Variants in GRM1 observed in about 807,000 individuals in gnomAD.
GRM1 encodes the protein glutamate metabotropic receptor 1.
GRM1 carries 33 observed loss-of-function variants against 90.9 expected under a neutral mutation model. The observed-to-expected ratio is 0.36, with a 90% CI of 0.28 to 0.49. GRM1 has a LOEUF of 0.49. GRM1 is among the 20% of genes least tolerant of loss of function. The probability of loss-of-function intolerance (pLI) is 0.99; values close to 1 mark genes in which losing one functional copy is unlikely to be tolerated. For synonymous variants in GRM1, 700 were observed against 613.2 expected (o/e 1.14, Z -2.09); for missense variants, 1,190 against 1,534.3 (o/e 0.78, Z 3.75).
chr6:146,193,000 C>T (rs542792752), intron 2 of GRM1, among the ~76,000 whole-genome samples: 16 of 152,098 alleles, frequency 1.1e-4, no homozygotes, highest in African/African-American at 2.4e-4. Context: ...GTAGAGGCAA[C>T]AGGTTTTGTT....
At chr6:146,294,548 G>GACCTT (rs1413742930) in intron 2 of GRM1, among the ~76,000 whole-genome samples, 1 of 151,934 alleles carries the variant, frequency 6.6e-6, no homozygotes, top group African/African-American at 2.4e-5. Flanking sequence ...TTAAGAAGGA[G>GACCTT]ACCTTATACA....
In GRM1 at chr6:146,321,412, T is replaced by C. The variant is rs139619740; in HGVS notation, c.1186+16566T>C. 1.1e-4 allele frequency among the ~76,000 whole-genome samples: 17 copies of C among 152,310 alleles called. No individual in the cohort carries two copies. In the East Asian group the frequency reaches 3.3e-3, roughly 29 times the overall value. On this transcript the variant is annotated intron_variant, in intron 3 of 7. Coordinates refer to ENST00000282753, the MANE Select transcript of GRM1 (RefSeq NM_001278064.2). Reference sequence around the variant, plus strand: ...ATTATGTGGTCAATTTTAGAATAAGTGCGATGTGGTGCTGAGAAGAATGTA... The same window carrying C: ...ATTATGTGGTCAATTTTAGAATAAGCGCGATGTGGTGCTGAGAAGAATGTA...
intron 2 of GRM1, among the ~76,000 whole-genome samples, chr6:146,259,679 C>T (rs1032419414): frequency 2.6e-5 from 4 of 152,016 alleles, no homozygotes; most frequent in African/African-American, 9.7e-5. Flanking sequence ...GTATATATCC[C>T]ATTTTCTTTC....
rs754649454 is a variant in GRM1 at position 146,434,550 on chromosome 6, C to T, written c.3339C>T (p.His1113=). ...TCCTCCAGGAGTACGTGTATGAGCACGAGCGGGAAGGGAACACGGAAGAAG... is the reference window on the plus strand; with the variant it reads ...TCCTCCAGGAGTACGTGTATGAGCATGAGCGGGAAGGGAACACGGAAGAAG... ...FKLLQEYVYE[H]EREGNTEEDE... Residue 1113 remains histidine, a synonymous_variant, in exon 8 of 8, where the codon CAC becomes CAT. Coordinates refer to ENST00000282753, the MANE Select transcript of GRM1 (RefSeq NM_001278064.2). 33 of 1,613,992 alleles carry T rather than the reference C, an allele frequency of 2.0e-5. No homozygotes were observed. The highest frequency in any genetic ancestry group is 1.6e-4 in the Middle Eastern group (1 of 6,084).
intron 1 of GRM1, among the ~76,000 whole-genome samples, chr6:146,126,600 G>A (rs1208973229): frequency 6.6e-6 from 1 of 151,938 alleles, no homozygotes. Flanking sequence ...AAATTCTTAA[G>A]TATTCTTCTA....
chr6:146,073,503 G>C (rs948056844), intron 1 of GRM1, among the ~76,000 whole-genome samples: 2 of 151,944 alleles, frequency 1.3e-5, no homozygotes, highest in African/African-American at 4.8e-5. Flanking sequence ...CTAATATTTG[G>C]CCTATTTATA....
intron 3 of GRM1, among the ~76,000 whole-genome samples, chr6:146,341,593 T>C (rs191430794): frequency 1.3e-3 from 202 of 152,292 alleles, no homozygotes; most frequent in Admixed American, 2.5e-3. Flanking sequence ...AATCCCACGA[T>C]GAAGACATCA....
intron 1 of GRM1, among the ~76,000 whole-genome samples, chr6:146,080,160 T>C (rs1776315996): frequency 6.6e-6 from 1 of 152,214 alleles, no homozygotes; most frequent in Admixed American, 6.5e-5. Flanking sequence ...GGGATGGTGA[T>C]TTGACTCTGT....
chr6:146,207,323 G>T (rs1181285935), intron 2 of GRM1, among the ~76,000 whole-genome samples: 2 of 151,984 alleles, frequency 1.3e-5, no homozygotes, highest in Non-Finnish European at 2.9e-5. Flanking sequence ...GTTTTGATTT[G>T]CACTTCTTTA....
At chr6:146,070,917 T>G (rs1296387918) in intron 1 of GRM1, among the ~76,000 whole-genome samples, 1 of 152,182 alleles carries the variant, frequency 6.6e-6, no homozygotes, top group Non-Finnish European at 1.5e-5. Context: ...TAACTTGTAG[T>G]AATTAAAGTA....
chr6:146,052,306 T>A (rs970500672), intron 1 of GRM1, among the ~76,000 whole-genome samples: 1 of 151,980 alleles, frequency 6.6e-6, no homozygotes, highest in African/African-American at 2.4e-5. Context: ...ATAACTTAAG[T>A]TTTTATTTTT....
rs912519612 is a variant in GRM1, at chr6:146,236,845, T to A, written c.951-67766T>A. 2.0e-5 allele frequency among the ~76,000 whole-genome samples: 3 copies of A among 152,212 alleles called. No individual in the cohort carries two copies. In the South Asian group the frequency reaches 6.2e-4, roughly 32 times the overall value. On this transcript the variant is annotated intron_variant, in intron 2 of 7. Coordinates refer to ENST00000282753, the MANE Select transcript of GRM1 (RefSeq NM_001278064.2). ...GTTCCTACAGGCCCAATAGAGACATTCTCAAGATTTTCACCCTGCCCCCAG... is the reference window on the plus strand; with the variant it reads ...GTTCCTACAGGCCCAATAGAGACATACTCAAGATTTTCACCCTGCCCCCAG...
At chr6:146,396,964 C>A (rs1776961723) in intron 6 of GRM1, among the ~76,000 whole-genome samples, 1 of 152,126 alleles carries the variant, frequency 6.6e-6, no homozygotes, top group South Asian at 2.1e-4. Context: ...AATTCAGCAA[C>A]AAGAGCTCAG....
At chr6:146,318,479 T>G (rs1412764504) in intron 3 of GRM1, among the ~76,000 whole-genome samples, 1 of 152,218 alleles carries the variant, frequency 6.6e-6, no homozygotes, top group Non-Finnish European at 1.5e-5. Flanking sequence ...TGCATGTGTA[T>G]TTATGGTAAA....
rs774564705 is a variant in GRM1, at chr6:146,304,826, A to G, written c.1166A>G (p.Asn389Ser). ...CCAGGACACCTTCTGGAAAATCCCA[A>G]CTTTAAACGAATCTGCACAGGTAAC... ...RLPGHLLENP[N>S]FKRICTGNES... Residue 389 changes from asparagine (N) to serine (S), a missense_variant, in exon 3 of 8, where the codon AAC (asparagine) becomes AGC (serine). Transcript: ENST00000282753. 1.2e-6 allele frequency: 2 copies of G among 1,611,990 alleles called. No individual in the cohort carries two copies. Among genetic ancestry groups the G allele is most frequent in the South Asian group, 1.1e-5 (1 of 91,024 alleles).
At chr6:146,142,787 G>A (rs896024916) in intron 1 of GRM1, among the ~76,000 whole-genome samples, 3 of 152,034 alleles carry the variant, frequency 2.0e-5, no homozygotes, top group Non-Finnish European at 2.9e-5. Context: ...ACCCTTTCAG[G>A]GCAGTGGGCT....
intron 3 of GRM1, among the ~76,000 whole-genome samples, chr6:146,309,128 G>A (rs1413021308): frequency 6.6e-6 from 1 of 152,092 alleles, no homozygotes; most frequent in Non-Finnish European, 1.5e-5. Context: ...GCTGGGCATG[G>A]TGGCTCATGC....
At chr6:146,416,991 C>T (rs1050064622) in intron 7 of GRM1, among the ~76,000 whole-genome samples, 4 of 152,178 alleles carry the variant, frequency 2.6e-5, no homozygotes, top group Admixed American at 6.5e-5. Context: ...TCCCTCTCTC[C>T]AGGATCTCGG....
At chr6:146,200,604 A>G (rs773278716) in intron 2 of GRM1, among the ~76,000 whole-genome samples, 3 of 152,018 alleles carry the variant, frequency 2.0e-5, no homozygotes, top group Non-Finnish European at 4.4e-5. Flanking sequence ...CTATTTTTCC[A>G]TCTGTGTTCT....
Sources: gnomAD v4.1 joint callset for allele counts (sites outside exome capture counted in the v4.1 genomes callset) on GRCh38, gnomAD v4.1.1 for gene constraint, MANE v1.5 for transcripts, NCBI Gene and HGNC (gene_info 2026-07-23, HGNC 2026-07-21) for gene names.